Variants in HGF observed in about 807,000 individuals in gnomAD.
The protein encoded by HGF is hepatocyte growth factor, also known as fibroblast-derived tumor cytotoxic factor.
A neutral mutation model predicts 111.6 loss-of-function variants in HGF; 39 were observed. That is an observed-to-expected ratio of 0.35 (90% CI 0.27 to 0.46). The LOEUF (loss-of-function observed/expected upper bound fraction) is 0.46. Ranked by LOEUF, HGF falls within the 20% of genes least tolerant of loss-of-function variation. The pLI is 1.00. For synonymous variants in HGF, 285 were observed against 294.8 expected (o/e 0.97, Z 0.34); for missense variants, 735 against 910.5 (o/e 0.81, Z 2.48).
intron 7 of HGF, among the ~76,000 whole-genome samples, chr7:81,730,054 T>C (rs1402894688): frequency 6.6e-6 from 1 of 152,206 alleles, no homozygotes; most frequent in African/African-American, 2.4e-5. Context: ...GCTGAATATA[T>C]AGTGTTTCTG....
rs375614319 is a variant in HGF, at chr7:81,752,279, A to T, written c.483-17T>A. ...GGCAAAAAGCTAGTTTTAAAATGAT[A>T]ATCATTACAGTATAAGAGCATGCAA... On this transcript the variant is annotated splice_polypyrimidine_tract_variant and intron_variant, in intron 4 of 17. Transcript: ENST00000222390. 3.6e-5 allele frequency: 58 copies of T among 1,611,928 alleles called. No individual in the cohort carries two copies. In the African/African-American group the frequency reaches 7.3e-4, roughly 20 times the overall value.
At chr7:81,707,494 C>T (rs1583916573) in intron 13 of HGF, 130 bp from the exon 14 acceptor site, 2 of 662,682 alleles carry the variant, frequency 3.0e-6, no homozygotes, top group East Asian at 2.7e-5. Context: ...ATTAACCCAA[C>T]TGGAATAAAA....
At chr7:81,769,602 C>G (rs1425148180) in intron 1 of HGF, among the ~76,000 whole-genome samples, 1 of 152,178 alleles carries the variant, frequency 6.6e-6, no homozygotes, top group African/African-American at 2.4e-5. Flanking sequence ...CACTTCCTCC[C>G]TATCTCATAA....
chr7:81,762,707 T>C lies in HGF; in HGVS notation c.254A>G (p.Lys85Arg). 1 of 1,605,500 alleles carries C rather than the reference T, an allele frequency of 6.2e-7. No individual in the cohort carries two copies. Among genetic ancestry groups the C allele is most frequent in the Middle Eastern group, 1.7e-4 (1 of 6,038 alleles). The part of the protein sequence containing the change: ...TRNKGLPFTC[K>R]AFVFDKARKQ... ...CTAAGAAGAAAATGAAGTAACTTAC[T>C]TGCAAGTGAATGGAAGTCCTTTATT... is the stretch of plus-strand genomic sequence containing the variant. Residue 85 changes from lysine to arginine, a missense_variant and splice_region_variant, in exon 2 of 18, where the codon AAG becomes AGG. Lys to Arg is a conservative substitution (Grantham distance 26). Around this residue, in one of 3 missense-constraint regions of HGF, gnomAD observed 553 missense variants for 685.6 expected, o/e 0.81. Transcript: ENST00000222390.
rs5745685 is a variant in HGF at position 81,729,873 on chromosome 7, AT to A, written c.866-95del. 2.9e-3 allele frequency: 3,289 copies of A among 1,140,136 alleles called. 78 individuals carry two copies. The African/African-American group carries it at 0.044, about 15-fold the overall frequency. 70.6% of individuals were successfully genotyped at this position (1,140,136 alleles called of 1,614,324 possible). Reference sequence around the variant, plus strand: ...AGTTCATTGGCATTTGTATTAGCAGATTTTTTTTTCTGTTACTTATAAGCTT... The same window carrying A: ...AGTTCATTGGCATTTGTATTAGCAGATTTTTTTTCTGTTACTTATAAGCTT... On this transcript the variant is annotated intron_variant, in intron 7 of 17. Coordinates refer to ENST00000222390, the MANE Select transcript of HGF (RefSeq NM_000601.6).
chr7:81,739,892 A>G (rs1008807402), intron 7 of HGF, among the ~76,000 whole-genome samples: 9 of 151,796 alleles, frequency 5.9e-5, no homozygotes, highest in African/African-American at 1.9e-4. Context: ...TGAATGGGCT[A>G]CTCTTGGATC....
Position 81,770,005 on chromosome 7 carries a change from A to C in HGF, c.-34T>G. ...TGGACGGGCTGGCGGATCCCTCTGGAGGAGATGCCTGGGTGAAAGAATCCT... is the reference window on the plus strand; with the variant it reads ...TGGACGGGCTGGCGGATCCCTCTGGCGGAGATGCCTGGGTGAAAGAATCCT... On this transcript the variant is annotated 5_prime_UTR_variant, in exon 1 of 18. Coordinates refer to ENST00000222390, the MANE Select transcript of HGF (RefSeq NM_000601.6). 6.8e-7 allele frequency: 1 copy of C among 1,477,386 alleles called. No individual in the cohort carries two copies. The highest frequency in any genetic ancestry group is 9.2e-7 in the Non-Finnish European group (1 of 1,081,742). 91.5% of individuals were successfully genotyped at this position (1,477,386 alleles called of 1,614,324 possible). A position where few individuals can be genotyped will look rare whatever the true frequency, so the allele number is the denominator to read the frequency against.
At chr7:81,734,114 T>G (rs919120656) in intron 7 of HGF, among the ~76,000 whole-genome samples, 1 of 152,164 alleles carries the variant, frequency 6.6e-6, no homozygotes. Flanking sequence ...TGAAGTTGAT[T>G]GTTTAGACAA....
At chr7:81,761,587 AAG>A (rs1789081530) in intron 2 of HGF, among the ~76,000 whole-genome samples, 1 of 152,090 alleles carries the variant, frequency 6.6e-6, no homozygotes, top group South Asian at 2.1e-4. Flanking sequence ...TAGGGAGTGA[AAG>A]AGTGGGAAAT....
At chr7:81,737,585 C>T (rs936971421) in intron 7 of HGF, among the ~76,000 whole-genome samples, 2 of 151,990 alleles carry the variant, frequency 1.3e-5, no homozygotes, top group African/African-American at 4.8e-5. Flanking sequence ...TCCTGAAAGA[C>T]TGATGGCAAA....
At position 81,756,111 on chromosome 7, in the gene HGF, T is replaced by G. The variant is rs1236629735; in HGVS notation, c.482+1078A>C. ...GGGTTCTACTGACCGGCCAAATGTG[T>G]CATGCCCTGAAGTTGTTAAAAGCGC... On this transcript the variant is annotated intron_variant, in intron 4 of 17. Transcript: ENST00000222390. 4 of 697,636 alleles carry G rather than the reference T, an allele frequency of 5.7e-6. No homozygotes were observed. The African/African-American group carries it at 7.0e-5, about 12-fold the overall frequency. The allele number at this position is 697,636 out of a possible 1,614,324, so 43.2% of individuals were successfully genotyped here.
chr7:81,765,426 A>ATT (rs1789310376), intron 1 of HGF, among the ~76,000 whole-genome samples: 1 of 152,128 alleles, frequency 6.6e-6, no homozygotes, highest in Non-Finnish European at 1.5e-5. Context: ...ATCGAAAAGC[A>ATT]TTTTGAAAAA....
At chr7:81,735,627 G>A (rs1787801571) in intron 7 of HGF, among the ~76,000 whole-genome samples, 1 of 152,020 alleles carries the variant, frequency 6.6e-6, no homozygotes, top group Admixed American at 6.6e-5. Flanking sequence ...TTAAAGTTAT[G>A]TCCATGTTCA....
intron 9 of HGF, among the ~76,000 whole-genome samples, chr7:81,721,910 T>G (rs941381405): frequency 6.6e-6 from 1 of 152,246 alleles, no homozygotes; most frequent in Non-Finnish European, 1.5e-5. Flanking sequence ...TTAATGAATT[T>G]TGCATGAACC....
chr7:81,733,596 T>A (rs893271697), intron 7 of HGF, among the ~76,000 whole-genome samples: 2 of 152,090 alleles, frequency 1.3e-5, no homozygotes, highest in Non-Finnish European at 2.9e-5. Flanking sequence ...GACATTCAAC[T>A]GCTAGAAGTC....
At chr7:81,710,332 A>C (rs373122956) in intron 12 of HGF, 89 bp from the exon 13 acceptor site, 1 of 838,848 alleles carries the variant, frequency 1.2e-6, no homozygotes, top group African/African-American at 1.7e-5. Context: ...TGATAATTAC[A>C]CAAATGTAAC....
At chr7:81,747,349 A>T (rs1195403619) in intron 5 of HGF, among the ~76,000 whole-genome samples, 1 of 152,124 alleles carries the variant, frequency 6.6e-6, no homozygotes, top group African/African-American at 2.4e-5. Flanking sequence ...AAAAAATAAA[A>T]AAAAGAAGTT....
At chr7:81,717,096 A>C in intron 11 of HGF, 136 bp downstream of exon 11, 1 of 780,298 alleles carries the variant, frequency 1.3e-6, no homozygotes, top group Non-Finnish European at 2.2e-6. Flanking sequence ...TGTTGTGTAC[A>C]TTTGTGTGTG....
chr7:81,752,007 G>C, intron 5 of HGF, 113 bp downstream of exon 5: 1 of 1,526,612 alleles, frequency 6.6e-7, no homozygotes, highest in African/African-American at 1.4e-5. Flanking sequence ...AGTTGCATTT[G>C]CACGAACAAC....
Sources: gnomAD v4.1 joint callset for allele counts (sites outside exome capture counted in the v4.1 genomes callset) on GRCh38, gnomAD v4.1.1 for gene constraint, gnomAD v4.1.1 regional missense constraint, MANE v1.5 for transcripts, NCBI Gene and HGNC (gene_info 2026-07-23, HGNC 2026-07-21) for gene names.